Variants in GMPR observed in about 807,000 individuals in gnomAD.
The protein encoded by GMPR is GMP reductase 1.
A neutral mutation model predicts 38.4 loss-of-function variants in GMPR; 31 were observed. That is an observed-to-expected ratio of 0.81 (90% CI 0.61 to 1.09). The LOEUF (loss-of-function observed/expected upper bound fraction) is 1.09, where lower values mean the gene tolerates loss of function less well. Among genes scored for constraint, GMPR ranks in the 50% least tolerant of loss-of-function variants. The probability of loss-of-function intolerance (pLI) is 0.00; values close to 1 mark genes in which losing one functional copy is unlikely to be tolerated. For synonymous variants in GMPR, 162 were observed against 173.3 expected, an observed-to-expected ratio of 0.93 and a Z score of 0.51; for missense variants, 468 against 453.7, an observed-to-expected ratio of 1.03 and a Z score of -0.29.
At chr6:16,245,860 G>A (rs892390776) in intron 1 of GMPR, among the ~76,000 whole-genome samples, 18 of 152,162 alleles carry the variant, frequency 1.2e-4, no homozygotes, top group Admixed American at 1.0e-3. Flanking sequence ...ATCCAGGCCC[G>A]GAGGCAACCC....
At chr6:16,246,398 G>C (rs1294054854) in intron 1 of GMPR, among the ~76,000 whole-genome samples, 1 of 152,158 alleles carries the variant, frequency 6.6e-6, no homozygotes, top group African/African-American at 2.4e-5. Flanking sequence ...AAAGGCGAAG[G>C]GATTAATTGT....
At chr6:16,291,908 CAAA>C (rs758154367) in intron 8 of GMPR, among the ~76,000 whole-genome samples, 1 of 78,442 alleles carries the variant, frequency 1.3e-5, no homozygotes, top group Non-Finnish European at 2.8e-5. Context: ...GATACCCTGC[CAAA>C]AAAAAAAAAA....
chr6:16,294,929 A>G, intron 8 of GMPR, 77 bp from the exon 9 acceptor site: 3 of 1,162,342 alleles, frequency 2.6e-6, no homozygotes, highest in Non-Finnish European at 3.8e-6. Flanking sequence ...AAAGTGCTGG[A>G]GCTGGGAGTA....
intron 4 of GMPR, among the ~76,000 whole-genome samples, chr6:16,266,998 C>G (rs766442981): frequency 1.3e-5 from 2 of 151,502 alleles, no homozygotes; most frequent in African/African-American, 4.8e-5. Flanking sequence ...ACGAACAACT[C>G]TGGGTGCGCC....
intron 2 of GMPR, among the ~76,000 whole-genome samples, chr6:16,248,090 G>C (rs1408262519): frequency 6.6e-6 from 1 of 151,760 alleles, no homozygotes; most frequent in African/African-American, 2.4e-5. Context: ...AATTGGCCAG[G>C]TGTGGTGGTG....
At chr6:16,265,963 G>A (rs1759198415) in intron 4 of GMPR, among the ~76,000 whole-genome samples, 2 of 152,196 alleles carry the variant, frequency 1.3e-5, no homozygotes, top group South Asian at 2.1e-4. Context: ...CGGGAGAAAG[G>A]AACAATTGTG....
In GMPR at chr6:16,263,128, TGA is replaced by T. The variant is rs1759120259; in HGVS notation, c.465+8395_465+8396del. On this transcript the variant is annotated intron_variant, in intron 4 of 8. Transcript: ENST00000259727. ...ACTCAGCGACGCTTGGGGTTGGGACTGAGGGGACAGGCGGGAGGGAAAGGAGG... is the reference window on the plus strand; with the variant it reads ...ACTCAGCGACGCTTGGGGTTGGGACTGGGGACAGGCGGGAGGGAAAGGAGG... The T allele has an allele frequency of 3.3e-5, 5 of 151,760 alleles. No individual in the cohort carries two copies. In the Admixed American group the frequency reaches 3.3e-4, roughly 10 times the overall value. The allele number at this position is 151,760 out of a possible 1,614,324, so 9.4% of individuals were successfully genotyped here.
intron 2 of GMPR, among the ~76,000 whole-genome samples, chr6:16,247,431 G>A (rs1366109188): frequency 2.0e-5 from 3 of 151,150 alleles, no homozygotes; most frequent in Non-Finnish European, 4.4e-5. Context: ...CTGGAGTACA[G>A]TGACGTGATC....
intron 4 of GMPR, among the ~76,000 whole-genome samples, chr6:16,266,040 G>GT (rs1323216091): frequency 1.3e-5 from 2 of 152,036 alleles, no homozygotes; most frequent in African/African-American, 2.4e-5. Context: ...TGAAGTCAGT[G>GT]AGACCACGAA....
At chr6:16,269,770 C>A (rs1359803227) in intron 4 of GMPR, among the ~76,000 whole-genome samples, 1 of 152,194 alleles carries the variant, frequency 6.6e-6, no homozygotes, top group Non-Finnish European at 1.5e-5. Context: ...GCACTCCAGC[C>A]TGGGTGACAA....
chr6:16,265,794 G>A (rs181617213), intron 4 of GMPR, among the ~76,000 whole-genome samples: 48 of 151,606 alleles, frequency 3.2e-4, no homozygotes, highest in African/African-American at 1.1e-3. Flanking sequence ...GAGCCAGCCC[G>A]GATAACCCAC....
chr6:16,241,280 C>T (rs765854961), intron 1 of GMPR, among the ~76,000 whole-genome samples: 18 of 152,154 alleles, frequency 1.2e-4, no homozygotes, highest in Non-Finnish European at 2.5e-4. Context: ...GGCTTATCCT[C>T]GTGACAGTTT....
chr6:16,294,819 G>C (rs927255379), intron 8 of GMPR, among the ~76,000 whole-genome samples, 187 bp from the exon 9 acceptor site: 2 of 152,206 alleles, frequency 1.3e-5, no homozygotes, highest in African/African-American at 4.8e-5. Flanking sequence ...GGAGGAATGT[G>C]TTCATCTGAG....
At chr6:16,293,763 A>T (rs1759882389) in intron 8 of GMPR, among the ~76,000 whole-genome samples, 1 of 152,158 alleles carries the variant, frequency 6.6e-6, no homozygotes, top group South Asian at 2.1e-4. Context: ...GCACCATTGC[A>T]CTCCAGTCTG....
intron 5 of GMPR, among the ~76,000 whole-genome samples, chr6:16,276,036 C>T (rs551334721): frequency 6.6e-6 from 1 of 151,890 alleles, no homozygotes; most frequent in East Asian, 2.0e-4. Context: ...CACTACTGCA[C>T]TCCAGTCTTG....
chr6:16,258,054 A>G (rs1759012939), intron 4 of GMPR: 1 of 152,190 alleles, frequency 6.6e-6, no homozygotes, highest in Admixed American at 6.5e-5. Context: ...TGGCTGGAGA[A>G]TGACTCGGGC....
chr6:16,284,628 C>T (rs1561833762), intron 6 of GMPR, among the ~76,000 whole-genome samples: 2 of 152,158 alleles, frequency 1.3e-5, no homozygotes, highest in South Asian at 4.1e-4. Context: ...GCTGCTCCAG[C>T]GTACTGTTGC....
chr6:16,266,418 CTG>C lies in GMPR; in HGVS notation c.466-7994_466-7993del, dbSNP rs148260090. On this transcript the variant is annotated intron_variant, in intron 4 of 8. Coordinates refer to ENST00000259727, the MANE Select transcript of GMPR (RefSeq NM_006877.4). ...CCACCTTTAAGAGCTGTAACACTCA[CTG>C]TGAAAAAGGTGGCACGTCGGACGTG... Among the ~76,000 whole-genome samples the C allele has an allele frequency of 3.0e-3, 356 of 118,950 alleles. 4 individuals are homozygous for C. The highest frequency in any genetic ancestry group is 0.012 in the African/African-American group (295 of 24,164). The allele number at this position is 118,950 out of a possible 152,430, so 78.0% of individuals were successfully genotyped here.
chr6:16,263,987 G>A (rs947053602), intron 4 of GMPR, among the ~76,000 whole-genome samples: 2 of 151,754 alleles, frequency 1.3e-5, no homozygotes, highest in Admixed American at 6.6e-5. Flanking sequence ...ATAGAGACAC[G>A]GAGAGAAGGG....
Sources: allele counts gnomAD v4.1 joint callset (sites outside exome capture counted in the v4.1 genomes callset), GRCh38; gene constraint gnomAD v4.1.1; transcripts MANE v1.5; gene names NCBI Gene and HGNC (gene_info 2026-07-23, HGNC 2026-07-21).